Variants in INSR observed in about 807,000 individuals in gnomAD.
INSR encodes IR.
Under a neutral mutation model 142.6 loss-of-function variants are expected in INSR, and 67 were observed. The observed-to-expected ratio is 0.47, with a 90% CI of 0.39 to 0.58. The LOEUF is 0.58. Ranked by LOEUF, INSR falls within the 20% of genes least tolerant of loss-of-function variation. The probability of loss-of-function intolerance (pLI) is 0.00; values close to 1 mark genes in which losing one functional copy is unlikely to be tolerated. For synonymous variants in INSR, 756 were observed against 743.1 expected (o/e 1.02, Z -0.28); for missense variants, 1,248 against 1,833.2 (o/e 0.68, Z 5.83).
At chr19:7,214,878 TC>T in intron 2 of INSR, among the ~76,000 whole-genome samples, 1 of 139,560 alleles carries the variant, frequency 7.2e-6, no homozygotes, top group East Asian at 2.4e-4. Flanking sequence ...CCTCCTTCCT[TC>T]CTTCCTTGTT....
chr19:7,238,877 A>C (rs1163900429), intron 2 of INSR, among the ~76,000 whole-genome samples: 1 of 138,510 alleles, frequency 7.2e-6, no homozygotes, highest in East Asian at 2.2e-4. Flanking sequence ...ACAAACAGAT[A>C]TTTGTAGACC....
At chr19:7,170,808 G>T in intron 5 of INSR, 57 bp from the exon 6 acceptor site, 1 of 1,364,436 alleles carries the variant, frequency 7.3e-7, no homozygotes, top group Non-Finnish European at 1.0e-6. Flanking sequence ...ACAACTCCAA[G>T]ATGGTGTGGC....
Position 7,152,851 on chromosome 19 carries a change from A to G in INSR, c.2106T>C (p.Tyr702=), listed in dbSNP as rs1314347007. The stretch of plus-strand genomic sequence containing the variant: ...AGCAGCATTCGCCGGCCGAATCCTC[A>G]TACTCACTCTGGTTGTGCTTCTGAG... ...EDSQKHNQSE[Y]EDSAGECCSC... The change falls in exon 10 of 22, where the codon TAT becomes TAC. Residue 702 remains tyrosine (Y), a synonymous_variant. Transcript: ENST00000302850. 20 of 1,613,346 alleles carry G rather than the reference A, an allele frequency of 1.2e-5. No homozygotes were observed. Among genetic ancestry groups the G allele is most frequent in the Non-Finnish European group, 1.7e-5 (20 of 1,179,954 alleles).
At chr19:7,252,967 T>C (rs1976774700) in intron 2 of INSR, among the ~76,000 whole-genome samples, 1 of 151,882 alleles carries the variant, frequency 6.6e-6, no homozygotes, top group Non-Finnish European at 1.5e-5. Context: ...ACAAAAAAAT[T>C]AGCCGGGCGT....
chr19:7,274,299 G>A (rs867085530), intron 1 of INSR, among the ~76,000 whole-genome samples: 1 of 151,922 alleles, frequency 6.6e-6, no homozygotes, highest in South Asian at 2.1e-4. Context: ...ACACGAGGCG[G>A]AGCTCAGGCG....
chr19:7,181,538 G>A (rs987637941), intron 3 of INSR, among the ~76,000 whole-genome samples: 1 of 150,886 alleles, frequency 6.6e-6, no homozygotes, highest in Admixed American at 6.6e-5. Context: ...AGGTACTTTG[G>A]AACGACAGTA....
intron 2 of INSR, among the ~76,000 whole-genome samples, chr19:7,220,684 A>G (rs1244446514): frequency 6.6e-6 from 1 of 152,236 alleles, no homozygotes; most frequent in Non-Finnish European, 1.5e-5. Context: ...TATGTTATGC[A>G]GTGACCAAGA....
At chr19:7,127,088 G>A (rs1374029540) in intron 15 of INSR, among the ~76,000 whole-genome samples, 1 of 152,124 alleles carries the variant, frequency 6.6e-6, no homozygotes, top group East Asian at 1.9e-4. Flanking sequence ...CATATAGACA[G>A]GGTCTCACTA....
In INSR at chr19:7,270,337, TCTCACA is replaced by T. The variant is rs1440416453; in HGVS notation, c.101-2447_101-2442del. Among the ~76,000 whole-genome samples the T allele has an allele frequency of 2.1e-3, 202 of 95,670 alleles. 5 individuals are homozygous for T. Among genetic ancestry groups the T allele is most frequent in the East Asian group, 8.2e-3 (22 of 2,676 alleles). 62.8% of individuals were successfully genotyped at this position (95,670 alleles called of 152,430 possible). A position where few individuals can be genotyped will look rare whatever the true frequency, so the allele number is the denominator to read the frequency against. ...TCATTTCTCTCTCTCTCTCTCTCTC[TCTCACA>T]CACACACACACACACACACACACAC... is the stretch of plus-strand genomic sequence containing the variant. On this transcript the variant is annotated intron_variant, in intron 1 of 21. Coordinates refer to ENST00000302850, the MANE Select transcript of INSR (RefSeq NM_000208.4).
At chr19:7,279,494 G>C (rs1366366193) in intron 1 of INSR, among the ~76,000 whole-genome samples, 1 of 149,052 alleles carries the variant, frequency 6.7e-6, no homozygotes, top group Non-Finnish European at 1.5e-5. Flanking sequence ...TGAAGCATTC[G>C]AGATAGGAAC....
In INSR at chr19:7,154,003, A is replaced by C. The variant is rs904607669; in HGVS notation, c.2030-1076T>G. ...TGGTGAAACCCCGTCTTTACTAAAA[A>C]TACAAAAATTAGCCAGGTGTAGTGG... On this transcript the variant is annotated intron_variant, in intron 9 of 21. Transcript: ENST00000302850. Among the ~76,000 whole-genome samples the C allele has an allele frequency of 2.6e-5, 4 of 152,160 alleles. No homozygotes were observed. In the South Asian group the frequency reaches 8.3e-4, roughly 32 times the overall value.
rs68031453 is a variant in INSR, at chr19:7,168,771, A to ATT, written c.1484-679_1484-678dup. On this transcript the variant is annotated intron_variant, in intron 6 of 21. Transcript: ENST00000302850. The surrounding 1 kb of genome is among the most constrained non-coding windows in gnomAD (Gnocchi z 4.3). ...ACCACCACGTCCAGCTAGTTTTTGT[A>ATT]TTTTTTTTTTTTAGTAGAGATGGAG... Among the ~76,000 whole-genome samples the ATT allele has an allele frequency of 4.4e-4, 65 of 146,892 alleles. No individual in the cohort carries two copies. Among genetic ancestry groups the ATT allele is most frequent in the African/African-American group, 9.7e-4 (39 of 40,348 alleles).
rs1390685103 is a variant in INSR at position 7,164,018 on chromosome 19, A to C, written c.1862-819T>G. ...GGAGGCTGAGGCAGGAGAATCTTGA[A>C]CCTGGGCAGAGGTTGCAGTGAGCTG... On this transcript the variant is annotated intron_variant, in intron 8 of 21. Transcript: ENST00000302850. Among the ~76,000 whole-genome samples, 4 of 144,960 alleles carry C rather than the reference A, an allele frequency of 2.8e-5. No homozygotes were observed. The Admixed American group carries it at 2.9e-4, about 10-fold the overall frequency.
intron 2 of INSR, among the ~76,000 whole-genome samples, chr19:7,205,150 AAC>A (rs1975073771): frequency 6.6e-6 from 1 of 152,206 alleles, no homozygotes; most frequent in East Asian, 1.9e-4. Flanking sequence ...GGCTTCTATC[AAC>A]AGATCTGAGC....
intron 14 of INSR, 132 bp downstream of exon 14, chr19:7,132,026 C>T: frequency 9.0e-7 from 1 of 1,112,032 alleles, no homozygotes; most frequent in South Asian, 1.3e-5. Flanking sequence ...GCAAGCACCG[C>T]AGCAGCTGAT....
In INSR at chr19:7,294,010, C is replaced by G. The variant is rs886145322; in HGVS notation, c.-119G>C. On this transcript the variant is annotated 5_prime_UTR_variant, in exon 1 of 22. Coordinates refer to ENST00000302850, the MANE Select transcript of INSR (RefSeq NM_000208.4). ...GCCGCGCGTCCTTCTCTTCCACGCC[C>G]GCGACCCGCGGGCCGCAGCCCCCCT... 6 of 1,057,140 alleles carry G rather than the reference C, an allele frequency of 5.7e-6. No homozygotes were observed. Among genetic ancestry groups the G allele is most frequent in the African/African-American group, 1.7e-5 (1 of 59,128 alleles). The allele number at this position is 1,057,140 out of a possible 1,614,324, so 65.5% of individuals were successfully genotyped here. A position where few individuals can be genotyped will look rare whatever the true frequency, so the allele number is the denominator to read the frequency against.
intron 9 of INSR, among the ~76,000 whole-genome samples, chr19:7,154,103 G>GTGAGC (rs1973523004): frequency 6.6e-6 from 1 of 151,954 alleles, no homozygotes; most frequent in Admixed American, 6.6e-5. Flanking sequence ...GGAGGTTGCA[G>GTGAGC]TGAGCTGAGA....
chr19:7,184,997 G>A (rs924536141), intron 2 of INSR, among the ~76,000 whole-genome samples: 16 of 152,100 alleles, frequency 1.1e-4, no homozygotes, highest in Non-Finnish European at 2.2e-4. Context: ...CTAAACATAA[G>A]CTGACAAAAG....
chr19:7,123,010 G>T, intron 17 of INSR, 21 bp from the exon 18 acceptor site: 1 of 1,548,824 alleles, frequency 6.5e-7, no homozygotes, highest in Non-Finnish European at 8.8e-7. Flanking sequence ...AGCAACCAGG[G>T]TTCTTGGAGG....
Sources: gnomAD v4.1 joint callset for allele counts (sites outside exome capture counted in the v4.1 genomes callset) on GRCh38, gnomAD v4.1.1 for gene constraint, Gnocchi (gnomAD v3.1) non-coding constraint, MANE v1.5 for transcripts, NCBI Gene and HGNC (gene_info 2026-07-23, HGNC 2026-07-21) for gene names.